The following ABCG8 variants were observed in gnomAD, a reference collection of about 807,000 sequenced individuals.
ABCG8 encodes the protein ATP binding cassette subfamily G member 8, also known as ATP-binding cassette sub-family G member 8.
A neutral mutation model predicts 71.3 loss-of-function variants in ABCG8; 81 were observed. That is an observed-to-expected ratio of 1.14 (90% CI 0.95 to 1.37). ABCG8 has a LOEUF of 1.37. Among genes scored for constraint, ABCG8 ranks in the 40% most tolerant of loss-of-function variants. The pLI, the probability that ABCG8 is intolerant of heterozygous loss-of-function variation, is 0.00. For synonymous variants in ABCG8, 451 were observed against 354.7 expected, an observed-to-expected ratio of 1.27 and a Z score of -3.05; for missense variants, 1,119 against 866.2, an observed-to-expected ratio of 1.29 and a Z score of -3.66.
intron 8 of ABCG8, 128 bp from the exon 9 acceptor site, chr2:43,873,657 CTA>C (rs1669855719): frequency 1.1e-6 from 1 of 875,566 alleles, no homozygotes; most frequent in African/African-American, 1.6e-5. Flanking sequence ...CAGAGCCACT[CTA>C]TGAGGCAGGT....
intron 6 of ABCG8, among the ~76,000 whole-genome samples, chr2:43,856,615 A>G (rs1572841361): frequency 6.6e-6 from 1 of 151,070 alleles, no homozygotes; most frequent in Non-Finnish European, 1.5e-5. Flanking sequence ...TCCCATCTGA[A>G]TAGAACTCTC....
At chr2:43,863,944 A>G (rs72796798) in intron 6 of ABCG8, among the ~76,000 whole-genome samples, 7,891 of 151,502 alleles carry the variant, frequency 0.052, 247 homozygotes, top group Middle Eastern at 0.11. Context: ...CAATCTGGAT[A>G]GGATTCTCAC....
chr2:43,873,138 T>A (rs1669838575), intron 8 of ABCG8, among the ~76,000 whole-genome samples: 1 of 152,056 alleles, frequency 6.6e-6, no homozygotes, highest in South Asian at 2.1e-4. Flanking sequence ...CAGATTATCT[T>A]CAGGCTTTTG....
chr2:43,870,473 T>A (rs536620121), intron 6 of ABCG8, among the ~76,000 whole-genome samples: 1 of 149,988 alleles, frequency 6.7e-6, no homozygotes, highest in East Asian at 2.0e-4. Flanking sequence ...ATCTGGGTAG[T>A]ATTCTCACTC....
At chr2:43,854,535 G>A (rs1357604068) in intron 6 of ABCG8, among the ~76,000 whole-genome samples, 2 of 149,750 alleles carry the variant, frequency 1.3e-5, no homozygotes, top group South Asian at 2.1e-4. Flanking sequence ...GCTGAGGCAC[G>A]AGAATTGCTT....
At position 43,873,994 on chromosome 2, in the gene ABCG8, T is replaced by A. The variant is rs201991639; in HGVS notation, c.1411+8T>A. Reference sequence around the variant, plus strand: ...TGGATGTCATCTCCAAATGTGAGTGTGGCCCACTGGCATGGGCAGGCAGGA... The same window carrying A: ...TGGATGTCATCTCCAAATGTGAGTGAGGCCCACTGGCATGGGCAGGCAGGA... On this transcript the variant is annotated splice_region_variant and intron_variant, in intron 9 of 12. Transcript: ENST00000272286. 238 of 1,613,730 alleles carry A rather than the reference T, an allele frequency of 1.5e-4. No individual in the cohort carries two copies. In the African/African-American group the frequency reaches 2.9e-3, roughly 20 times the overall value.
chr2:43,875,638 C>T (rs990359484), intron 11 of ABCG8, among the ~76,000 whole-genome samples: 4 of 152,202 alleles, frequency 2.6e-5, no homozygotes, highest in Non-Finnish European at 5.9e-5. Context: ...AGAAGTCGCC[C>T]TTGACTGTCT....
At chr2:43,839,430 T>C (rs1323844882) in intron 1 of ABCG8, among the ~76,000 whole-genome samples, 1 of 51,294 alleles carries the variant, frequency 1.9e-5, no homozygotes, top group Non-Finnish European at 3.6e-5. Context: ...TTTTTTTTTT[T>C]TTTTTTTTTT....
chr2:43,873,169 G>A (rs1374244488), intron 8 of ABCG8, among the ~76,000 whole-genome samples: 1 of 151,558 alleles, frequency 6.6e-6, no homozygotes, highest in Admixed American at 6.6e-5. Context: ...CAATGAGGCA[G>A]CAGACATCAT....
Position 43,877,976 on chromosome 2 carries a change from C to G in ABCG8, c.*63C>G, listed in dbSNP as rs969838311. ...GCAGACCCTTCAACTGCACTCCCTCCTCAGGAGCCCCTTCCTGGGGACAGT... is the reference window on the plus strand; with the variant it reads ...GCAGACCCTTCAACTGCACTCCCTCGTCAGGAGCCCCTTCCTGGGGACAGT... On this transcript the variant is annotated 3_prime_UTR_variant, in exon 13 of 13. Coordinates refer to ENST00000272286, the MANE Select transcript of ABCG8 (RefSeq NM_022437.3). The G allele has an allele frequency of 6.2e-6, 10 of 1,611,048 alleles. No homozygotes were observed. Among genetic ancestry groups the G allele is most frequent in the African/African-American group, 1.3e-5 (1 of 74,842 alleles).
chr2:43,876,048 TC>T (rs1450320122), intron 11 of ABCG8, among the ~76,000 whole-genome samples: 3 of 151,906 alleles, frequency 2.0e-5, no homozygotes, highest in African/African-American at 7.3e-5. Context: ...ATTGCCTCCT[TC>T]CCCTCCCCAT....
chr2:43,867,173 A>C (rs1204627413), intron 6 of ABCG8, among the ~76,000 whole-genome samples: 3 of 124,504 alleles, frequency 2.4e-5, no homozygotes, highest in African/African-American at 6.1e-5. Flanking sequence ...AGGAAGGGGA[A>C]CGTCACACTC....
chr2:43,843,255 A>T (rs4148208), intron 1 of ABCG8, among the ~76,000 whole-genome samples: 2 of 151,934 alleles, frequency 1.3e-5, no homozygotes, highest in African/African-American at 4.8e-5. Context: ...TGGGCTCCCC[A>T]TAAGTGTTTG....
intron 3 of ABCG8, chr2:43,847,727 T>A (rs1668788500): frequency 6.6e-6 from 1 of 151,914 alleles, no homozygotes; most frequent in African/African-American, 2.4e-5. Context: ...ATGAATAAAT[T>A]ACACTGAATA....
At chr2:43,861,282 C>T (rs1669307982) in intron 6 of ABCG8, among the ~76,000 whole-genome samples, 1 of 151,312 alleles carries the variant, frequency 6.6e-6, no homozygotes, top group Non-Finnish European at 1.5e-5. Context: ...AGAATGCTCA[C>T]TATCTGTATA....
At chr2:43,850,960 G>A (rs192116884) in intron 3 of ABCG8, among the ~76,000 whole-genome samples, 6 of 151,782 alleles carry the variant, frequency 4.0e-5, no homozygotes, top group Admixed American at 2.0e-4. Context: ...GAAAAGAAGA[G>A]AGATGGGTGT....
chr2:43,839,228 G>C, intron 1 of ABCG8, 112 bp downstream of exon 1: 1 of 1,197,348 alleles, frequency 8.4e-7, no homozygotes, highest in East Asian at 2.6e-5. Flanking sequence ...ACATCAAGCA[G>C]TGTGAGGACA....
chr2:43,873,106 C>T (rs939856659), intron 8 of ABCG8, among the ~76,000 whole-genome samples: 1 of 152,122 alleles, frequency 6.6e-6, no homozygotes, highest in African/African-American at 2.4e-5. Context: ...AATCACCCAC[C>T]CATTAAGTCC....
intron 6 of ABCG8, among the ~76,000 whole-genome samples, chr2:43,855,482 C>T (rs1311020663): frequency 6.6e-6 from 1 of 152,266 alleles, no homozygotes; most frequent in East Asian, 1.9e-4. Flanking sequence ...AGAATTCTCA[C>T]CATCTGGATA....
Sources: allele counts gnomAD v4.1 joint callset (sites outside exome capture counted in the v4.1 genomes callset), GRCh38; gene constraint gnomAD v4.1.1; transcripts MANE v1.5; gene names NCBI Gene and HGNC (gene_info 2026-07-23, HGNC 2026-07-21).